The following SGCZ variants were observed in gnomAD, a reference collection of about 807,000 sequenced individuals.
SGCZ encodes sarcoglycan zeta, also known as zeta-sarcoglycan.
Under a neutral mutation model 41.3 loss-of-function variants are expected in SGCZ, and 40 were observed. The ratio of observed to expected loss-of-function variants is 0.97; its 90% CI spans 0.75 to 1.26. The LOEUF is 1.26. SGCZ is among the 50% of genes most tolerant of loss of function. The pLI is 0.00. For missense variants in SGCZ, 552 were observed against 369.8 expected (o/e 1.49, Z -4.04); for synonymous variants, 206 against 137.5 (o/e 1.50, Z -3.49).
At chr8:14,579,176 A>G (rs1354111962) in intron 1 of SGCZ, among the ~76,000 whole-genome samples, 3 of 152,188 alleles carry the variant, frequency 2.0e-5, no homozygotes, top group Non-Finnish European at 2.9e-5. Flanking sequence ...TTTATACTCT[A>G]TTAGCTAAAA....
intron 1 of SGCZ, among the ~76,000 whole-genome samples, chr8:15,063,056 C>T (rs1804996063): frequency 6.6e-6 from 1 of 152,110 alleles, no homozygotes. Context: ...TCACATACAT[C>T]TTTGGTTTGC....
In SGCZ at chr8:14,189,998, T is replaced by TTTTC. The variant is rs1271501022; in HGVS notation, c.425-25300_425-25297dup. On this transcript the variant is annotated intron_variant, in intron 4 of 7. Coordinates refer to ENST00000382080, the MANE Select transcript of SGCZ (RefSeq NM_139167.4). ...GTTGTCAGAAATGGGAGAATCTACT[T>TTTTC]TTTCTTTCTTTCTTTCTTTTTTTTT... Among the ~76,000 whole-genome samples, 44 of 118,322 alleles carry TTTTC rather than the reference T, an allele frequency of 3.7e-4. 1 individual carries two copies. The highest frequency in any genetic ancestry group is 1.1e-3 in the African/African-American group (32 of 30,064). The allele number at this position is 118,322 out of a possible 152,430, so 77.6% of individuals were successfully genotyped here. A position where few individuals can be genotyped will look rare whatever the true frequency, so the allele number is the denominator to read the frequency against.
At chr8:14,787,218 G>A (rs1404274939) in intron 1 of SGCZ, among the ~76,000 whole-genome samples, 1 of 152,090 alleles carries the variant, frequency 6.6e-6, no homozygotes, top group Non-Finnish European at 1.5e-5. Flanking sequence ...AACAGAAGAA[G>A]CCGAAGACTT....
chr8:14,672,325 G>A (rs536212048), intron 1 of SGCZ, among the ~76,000 whole-genome samples: 7 of 152,104 alleles, frequency 4.6e-5, no homozygotes, highest in African/African-American at 1.2e-4. Flanking sequence ...ATTCCATAGC[G>A]GAAAACCAGC....
At position 14,224,350 on chromosome 8, in the gene SGCZ, A is replaced by G. The variant is rs558225639; in HGVS notation, c.424+13242T>C. ...GGTTCAGTATTCTCCTTGTCAGCAG[A>G]TAAGATTAGTACCAGGTACTATGGT... On this transcript the variant is annotated intron_variant, in intron 4 of 7. Coordinates refer to ENST00000382080, the MANE Select transcript of SGCZ (RefSeq NM_139167.4). Among the ~76,000 whole-genome samples, 194 of 152,268 alleles carry G rather than the reference A, an allele frequency of 1.3e-3. 1 individual carries two copies. The highest frequency in any genetic ancestry group is 4.4e-3 in the African/African-American group (181 of 41,564).
intron 2 of SGCZ, among the ~76,000 whole-genome samples, chr8:14,488,443 G>A (rs1042506622): frequency 1.9e-4 from 29 of 152,056 alleles, no homozygotes; most frequent in African/African-American, 7.0e-4. Flanking sequence ...TCTGATGCTA[G>A]GCCCTTCGCT....
intron 1 of SGCZ, among the ~76,000 whole-genome samples, chr8:14,804,542 A>T (rs1001220165): frequency 2.2e-5 from 3 of 135,898 alleles, no homozygotes; most frequent in Non-Finnish European, 4.8e-5. Context: ...AAGAATAAAA[A>T]GAAATGAGCA....
At chr8:15,030,152 A>G (rs1397228096) in intron 1 of SGCZ, among the ~76,000 whole-genome samples, 1 of 152,114 alleles carries the variant, frequency 6.6e-6, no homozygotes, top group African/African-American at 2.4e-5. Flanking sequence ...GGAAAGCAGC[A>G]CAGGAATTGG....
chr8:14,805,672 GA>G (rs1205127784), intron 1 of SGCZ, among the ~76,000 whole-genome samples: 1 of 151,174 alleles, frequency 6.6e-6, no homozygotes, highest in Non-Finnish European at 1.5e-5. Flanking sequence ...ACAGATCAAC[GA>G]GACAGAAAGT....
intron 1 of SGCZ, among the ~76,000 whole-genome samples, chr8:15,007,361 A>G (rs1802642437): frequency 6.6e-6 from 1 of 152,232 alleles, no homozygotes; most frequent in South Asian, 2.1e-4. Flanking sequence ...GTCTCAATCA[A>G]AAATATCTTG....
chr8:14,742,977 G>C (rs768562806), intron 1 of SGCZ, among the ~76,000 whole-genome samples: 1 of 152,078 alleles, frequency 6.6e-6, no homozygotes, highest in Admixed American at 6.6e-5. Flanking sequence ...TACAATGTTT[G>C]TACCATGAGC....
chr8:15,057,197 C>T (rs990435714), intron 1 of SGCZ, among the ~76,000 whole-genome samples: 2 of 152,158 alleles, frequency 1.3e-5, no homozygotes, highest in Admixed American at 6.5e-5. Flanking sequence ...GTGGCTTCAC[C>T]CCTTGTGCAG....
intron 1 of SGCZ, among the ~76,000 whole-genome samples, chr8:15,030,438 C>G (rs1803619145): frequency 6.6e-6 from 1 of 152,002 alleles, no homozygotes; most frequent in African/African-American, 2.4e-5. Flanking sequence ...GTAAATATTT[C>G]ATATTTTCAG....
intron 4 of SGCZ, among the ~76,000 whole-genome samples, chr8:14,194,783 C>A (rs1805212903): frequency 6.6e-6 from 1 of 151,712 alleles, no homozygotes; most frequent in Admixed American, 6.6e-5. Context: ...CTGCAGATTA[C>A]CATTTTAAGA....
rs146927043 is a variant in SGCZ at position 14,497,773 on chromosome 8, T to C, written c.234+56959A>G. Among the ~76,000 whole-genome samples, 346 of 152,144 alleles carry C rather than the reference T, an allele frequency of 2.3e-3. 1 individual carries two copies. Among genetic ancestry groups the C allele is most frequent in the East Asian group, 4.3e-3 (22 of 5,164 alleles). Reference sequence around the variant, plus strand: ...CTCCCACTGGGTCCCACCACCAACATTGGGGAACGCATTTCAGCATGAGAT... The same window carrying C: ...CTCCCACTGGGTCCCACCACCAACACTGGGGAACGCATTTCAGCATGAGAT... On this transcript the variant is annotated intron_variant, in intron 2 of 7. Transcript: ENST00000382080.
chr8:14,830,054 C>G (rs1802474344), intron 1 of SGCZ, among the ~76,000 whole-genome samples: 1 of 152,216 alleles, frequency 6.6e-6, no homozygotes, highest in Admixed American at 6.5e-5. Context: ...TCGTGATCTG[C>G]ACGCCTTGGC....
intron 3 of SGCZ, among the ~76,000 whole-genome samples, chr8:14,287,085 A>C (rs140033625): frequency 4.1e-4 from 62 of 152,064 alleles, no homozygotes; most frequent in African/African-American, 1.5e-3. Context: ...TTACAAATAC[A>C]TAAGTAATTG....
At position 14,869,540 on chromosome 8, in the gene SGCZ, G is replaced by A. The variant is rs1053661694; in HGVS notation, c.40-314614C>T. Among the ~76,000 whole-genome samples, 14 of 152,158 alleles carry A rather than the reference G, an allele frequency of 9.2e-5. No homozygotes were observed. The East Asian group carries it at 2.1e-3, about 23-fold the overall frequency. On this transcript the variant is annotated intron_variant, in intron 1 of 7. Transcript: ENST00000382080. ...TTGAAAACTGACACAAGACAAGGAC[G>A]CCCTCTCTCACCACTCCTATTCAAC...
At chr8:14,342,291 G>T (rs1019810067) in intron 2 of SGCZ, among the ~76,000 whole-genome samples, 1 of 152,092 alleles carries the variant, frequency 6.6e-6, no homozygotes, top group African/African-American at 2.4e-5. Context: ...TTGGAGAAAT[G>T]ATTTAGAATA....
Sources: allele counts gnomAD v4.1 joint callset (sites outside exome capture counted in the v4.1 genomes callset), GRCh38; gene constraint gnomAD v4.1.1; transcripts MANE v1.5; gene names NCBI Gene and HGNC (gene_info 2026-07-23, HGNC 2026-07-21).